ABCB1: variants seen among roughly 807,000 people sequenced by gnomAD.
ABCB1 encodes ATP-dependent translocase ABCB1.
In ABCB1, 69 loss-of-function variants were observed where a neutral mutation model predicts 142.0. The ratio of observed to expected loss-of-function variants is 0.49; its 90% CI spans 0.40 to 0.59. The LOEUF (loss-of-function observed/expected upper bound fraction) is 0.59. Among genes scored for constraint, ABCB1 ranks in the 20% least tolerant of loss-of-function variants. The probability of loss-of-function intolerance (pLI) is 0.00; values close to 1 mark genes in which losing one functional copy is unlikely to be tolerated. For synonymous variants in ABCB1, 532 were observed against 539.2 expected (o/e 0.99, Z 0.18); for missense variants, 1,326 against 1,554.7 (o/e 0.85, Z 2.47).
intron 1 of ABCB1, among the ~76,000 whole-genome samples, chr7:87,661,465 A>T (rs533477403): frequency 6.6e-6 from 1 of 150,854 alleles, no homozygotes; most frequent in East Asian, 2.0e-4. Flanking sequence ...CTCTATCTCT[A>T]TAAGTTTAAC....
Position 87,704,294 on chromosome 7 carries a change from A to T in ABCB1, c.-331+8867T>A, listed in dbSNP as rs544979928. Among the ~76,000 whole-genome samples, 9 of 152,294 alleles carry T rather than the reference A, an allele frequency of 5.9e-5. No individual in the cohort carries two copies. In the East Asian group the frequency reaches 1.5e-3, roughly 26 times the overall value. On this transcript the variant is annotated intron_variant, in intron 1 of 28. Transcript: ENST00000265724. ...TTTCTTTTGGCTAAGGTTTAGGCTA[A>T]GGTTAAAGATTAGCTGTAATTTGAA...
chr7:87,522,124 T>G lies in ABCB1; in HGVS notation c.2686-1248A>C, dbSNP rs1046644080. ...TGACAACTTTGGTCGTGGAGGAAAC[T>G]TCAGTGGTCATTGTGGCTTTGGTGG... On this transcript the variant is annotated intron_variant, in intron 21 of 27. Coordinates refer to ENST00000622132, the MANE Select transcript of ABCB1 (RefSeq NM_001348946.2). 1.6e-5 allele frequency: 21 copies of G among 1,354,028 alleles called. No homozygotes were observed. In the African/African-American group the frequency reaches 3.0e-4, roughly 19 times the overall value. The allele number at this position is 1,354,028 out of a possible 1,614,324, so 83.9% of individuals were successfully genotyped here.
intron 4 of ABCB1, among the ~76,000 whole-genome samples, chr7:87,584,581 T>G (rs555925062): frequency 1.2e-4 from 18 of 152,244 alleles, no homozygotes; most frequent in African/African-American, 3.6e-4. Context: ...ATATGTATGT[T>G]ACACCCAGAT....
chr7:87,699,048 G>T (rs1203851448), intron 1 of ABCB1, among the ~76,000 whole-genome samples: 1 of 152,100 alleles, frequency 6.6e-6, no homozygotes, highest in African/African-American at 2.4e-5. Context: ...CTAGACATGA[G>T]TATTTTTTAA....
At chr7:87,540,646 C>T (rs929195911) in intron 18 of ABCB1, among the ~76,000 whole-genome samples, 5 of 152,116 alleles carry the variant, frequency 3.3e-5, no homozygotes, top group Admixed American at 6.6e-5. Flanking sequence ...GACAGAGTTC[C>T]GCCATGTTGG....
At chr7:87,526,563 A>G (rs182631857) in intron 21 of ABCB1, among the ~76,000 whole-genome samples, 1 of 152,154 alleles carries the variant, frequency 6.6e-6, no homozygotes, top group Non-Finnish European at 1.5e-5. Context: ...CCCCTCATCT[A>G]AAGGCTGAAT....
chr7:87,556,371 A>G (rs893863592), intron 8 of ABCB1, among the ~76,000 whole-genome samples: 4 of 152,228 alleles, frequency 2.6e-5, no homozygotes, highest in Non-Finnish European at 5.9e-5. Context: ...GAACAAAACT[A>G]TTCTATACGA....
At chr7:87,526,948 G>A (rs1489384038) in intron 21 of ABCB1, among the ~76,000 whole-genome samples, 2 of 151,914 alleles carry the variant, frequency 1.3e-5, no homozygotes, top group Non-Finnish European at 2.9e-5. Flanking sequence ...TAAATCCTTG[G>A]ACTTGCTTCT....
intron 26 of ABCB1, among the ~76,000 whole-genome samples, chr7:87,506,868 C>T (rs1378787454): frequency 6.6e-6 from 1 of 152,120 alleles, no homozygotes; most frequent in African/African-American, 2.4e-5. Flanking sequence ...CCTGGGTTTC[C>T]CCCTGTAAAT....
At chr7:87,521,831 A>G in intron 21 of ABCB1, 1 of 776,706 alleles carries the variant, frequency 1.3e-6, no homozygotes, top group Non-Finnish European at 2.3e-6. Context: ...CTAGGAGATT[A>G]TTTTGAATAG....
rs74424584 is a variant in ABCB1, at chr7:87,634,663, G to A, written c.-330-33585C>T. Among the ~76,000 whole-genome samples the A allele has an allele frequency of 1.2e-3, 183 of 151,956 alleles. 2 individuals carry two copies. Among genetic ancestry groups the A allele is most frequent in the African/African-American group, 4.3e-3 (177 of 41,464 alleles). ...GAAAAAAAAAAGAACTTTAAATCCAGTGATTTACTTTTTTTGTTACTATTT... is the reference window on the plus strand; with the variant it reads ...GAAAAAAAAAAGAACTTTAAATCCAATGATTTACTTTTTTTGTTACTATTT... On this transcript the variant is annotated intron_variant, in intron 1 of 28. Coordinates refer to the ABCB1 transcript ENST00000265724.
At chr7:87,544,525 A>T (rs1271489274) in intron 16 of ABCB1, among the ~76,000 whole-genome samples, 3 of 152,188 alleles carry the variant, frequency 2.0e-5, no homozygotes, top group Non-Finnish European at 2.9e-5. Flanking sequence ...ACTTACTTTT[A>T]TTTGGTACTC....
At position 87,673,499 on chromosome 7, in the gene ABCB1, G is replaced by A. The variant is rs148789565; in HGVS notation, c.-331+39662C>T. On this transcript the variant is annotated intron_variant, in intron 1 of 28. Coordinates refer to the ABCB1 transcript ENST00000265724. ...TTGAGATTCTTTCCTCAGTTTGGTC[G>A]AATCTGCTATTAATACTTGTGATTA... Among the ~76,000 whole-genome samples, 458 of 152,212 alleles carry A rather than the reference G, an allele frequency of 3.0e-3. 2 individuals are homozygous for A. Among genetic ancestry groups the A allele is most frequent in the African/African-American group, 0.011 (439 of 41,516 alleles).
rs1819085646 is a variant in ABCB1, at chr7:87,593,714, TG to T, written c.117+2051del. ...CATGATCAGTTCCTAATAAAATCCT[TG>T]GGCACTGAGTCTCTAATGAGCTTCT... On this transcript the variant is annotated intron_variant, in intron 3 of 27. Transcript: ENST00000622132. Among the ~76,000 whole-genome samples, 3 of 152,352 alleles carry T rather than the reference TG, an allele frequency of 2.0e-5. No homozygotes were observed. In the South Asian group the frequency reaches 6.2e-4, roughly 32 times the overall value.
Position 87,549,866 on chromosome 7 carries a change from G to C in ABCB1, c.1539C>G (p.Ile513Met). ...GACAACTTACATGAGGCAGTTTCAT[G>C]ATAAAGTCATAGGCATTGGCTTCCT... ...AVKEANAYDF[I>M]MKLPHKFDTL... The change falls in exon 13 of 28, where the codon ATC becomes ATG. Residue 513 changes from isoleucine (I) to methionine (M), a missense_variant. Physicochemically the swap from Ile to Met is conservative, Grantham distance 10. Transcript: ENST00000622132. 6.2e-7 allele frequency: 1 copy of C among 1,614,148 alleles called. No homozygotes were observed. The highest frequency in any genetic ancestry group is 1.1e-5 in the South Asian group (1 of 91,080).
intron 1 of ABCB1, among the ~76,000 whole-genome samples, chr7:87,624,890 G>A (rs1820350964): frequency 6.6e-6 from 1 of 152,174 alleles, no homozygotes; most frequent in African/African-American, 2.4e-5. Context: ...GAAAAACACA[G>A]CTTGTTTATG....
chr7:87,540,386 A>C (rs12720066), intron 18 of ABCB1, among the ~76,000 whole-genome samples: 5,896 of 152,318 alleles, frequency 0.039, 153 homozygotes, highest in Middle Eastern at 0.088. Context: ...AAACAGGTAC[A>C]AGGAGCACTT....
rs556221153 is a variant in ABCB1, at chr7:87,529,736, T to G, written c.2685+1558A>C. On this transcript the variant is annotated intron_variant, in intron 21 of 27. Coordinates refer to ENST00000622132, the MANE Select transcript of ABCB1 (RefSeq NM_001348946.2). ...TGTTAACTAGAATGCTTTCTCCTTTTTTTATATTTTGTCCTAGATTTTTCC... is the reference window on the plus strand; with the variant it reads ...TGTTAACTAGAATGCTTTCTCCTTTGTTTATATTTTGTCCTAGATTTTTCC... 2.6e-5 allele frequency among the ~76,000 whole-genome samples: 4 copies of G among 152,372 alleles called. No individual in the cohort carries two copies. The East Asian group carries it at 7.7e-4, about 29-fold the overall frequency.
At chr7:87,590,733 T>C (rs1192709619) in intron 3 of ABCB1, among the ~76,000 whole-genome samples, 1 of 152,228 alleles carries the variant, frequency 6.6e-6, no homozygotes, top group Non-Finnish European at 1.5e-5. Flanking sequence ...AGAGGTCAGA[T>C]ATGTAGGGCA....
Sources: gnomAD v4.1 joint callset for allele counts (sites outside exome capture counted in the v4.1 genomes callset) on GRCh38, gnomAD v4.1.1 for gene constraint, MANE v1.5 for transcripts, NCBI Gene and HGNC (gene_info 2026-07-23, HGNC 2026-07-21) for gene names.